Variants in NKPD1 observed in about 807,000 individuals in gnomAD.
NKPD1 encodes NTPase KAP family P-loop domain-containing protein 1.
Under a neutral mutation model 42.2 loss-of-function variants are expected in NKPD1, and 37 were observed. The observed-to-expected ratio is 0.88, with a 90% confidence interval of 0.67 to 1.15. The LOEUF (loss-of-function observed/expected upper bound fraction) is 1.15. Ranked by LOEUF, NKPD1 falls within the 50% of genes most tolerant of loss-of-function variation. NKPD1 has a pLI of 0.00. For missense variants in NKPD1, 1,113 were observed against 1,174.6 expected, an observed-to-expected ratio of 0.95 and a Z score of 0.77; for synonymous variants, 552 against 536.5, an observed-to-expected ratio of 1.03 and a Z score of -0.40.
Position 45,151,603 on chromosome 19 carries a change from A to G in NKPD1, c.*335T>C, listed in dbSNP as rs1211021818. The stretch of plus-strand genomic sequence containing the variant: ...ATGGTGCAGAGGAGTAAGTGGGCTT[A>G]GCAGGATGGGGCAGGCCCTGTGGCA... On this transcript the variant is annotated 3_prime_UTR_variant, in exon 5 of 5. Coordinates refer to ENST00000686631, the MANE Select transcript of NKPD1 (RefSeq NM_198478.4). The G allele has an allele frequency of 1.9e-5, 5 of 268,264 alleles. No individual in the cohort carries two copies. The highest frequency in any genetic ancestry group is 4.4e-5 in the African/African-American group (2 of 44,960). 16.6% of individuals were successfully genotyped at this position (268,264 alleles called of 1,614,324 possible). A position where few individuals can be genotyped will look rare whatever the true frequency, so the allele number is the denominator to read the frequency against.
chr19:45,152,391 GC>G lies in NKPD1; in HGVS notation c.2045del (p.Gly682AlafsTer23), dbSNP rs757202005. On this transcript the variant is annotated frameshift_variant, in exon 5 of 5. Transcript: ENST00000686631. LOFTEE classifies it low-confidence loss of function (END_TRUNC). ...AGAGGCGCGCGCGGCCCTCGGGCGC[GC>G]CCCCGGTCTGCTGCCGGTCCTCCAG... ...QCLEDRQQTG[G>X]APEGRARLWD... is the part of the protein sequence containing the mutation. 1.3e-6 allele frequency: 2 copies of G among 1,575,340 alleles called. No homozygotes were observed.
At position 45,160,165 on chromosome 19, in the gene NKPD1, T is replaced by A; in HGVS notation, c.-15A>T. 2 of 1,299,762 alleles carry A rather than the reference T, an allele frequency of 1.5e-6. No homozygotes were observed. Among genetic ancestry groups the A allele is most frequent in the Non-Finnish European group, 2.0e-6 (2 of 984,522 alleles). The allele number at this position is 1,299,762 out of a possible 1,614,324, so 80.5% of individuals were successfully genotyped here. A position where few individuals can be genotyped will look rare whatever the true frequency, so the allele number is the denominator to read the frequency against. ...TGTTTGTGCATGGCAGCCGGGCAGC[T>A]GGGTGCTGGGGGCCTGCTCCTGAGG... On this transcript the variant is annotated 5_prime_UTR_variant, in exon 2 of 5. Transcript: ENST00000686631.
chr19:45,152,788 T>C lies in NKPD1; in HGVS notation c.1649A>G (p.Asp550Gly). The C allele has an allele frequency of 6.2e-7, 1 of 1,600,740 alleles. No homozygotes were observed. Among genetic ancestry groups the C allele is most frequent in the Non-Finnish European group, 8.5e-7 (1 of 1,174,556 alleles). Residue 550 changes from aspartate (D) to glycine (G), a missense_variant, in exon 5 of 5, where the codon GAC (aspartate) becomes GGC (glycine). This residue lies in a region of NKPD1 where 867 missense variants were observed against 870.1 expected (regional missense o/e 1.00). Coordinates refer to ENST00000686631, the MANE Select transcript of NKPD1 (RefSeq NM_198478.4). ...GCGCGTCATCTCGCGGTACAACAGG[T>C]CGTCGCGGCTCTGCACCGCATCGTG... ...FLHDAVQSRD[D>G]LLYREMTRKP...
chr19:45,155,093 G>A (rs2122786330), intron 4 of NKPD1, among the ~76,000 whole-genome samples: 1 of 151,488 alleles, frequency 6.6e-6, no homozygotes, highest in South Asian at 2.1e-4. Context: ...GGAGGCTGAG[G>A]CGGATCACAT....
intron 2 of NKPD1, 129 bp from the exon 3 acceptor site, chr19:45,159,229 A>G: frequency 1.1e-6 from 1 of 910,270 alleles, no homozygotes; most frequent in Non-Finnish European, 1.4e-6. Context: ...GAAACCCCTC[A>G]AAAAGTAAGA....
chr19:45,154,088 G>A (rs1320646324), intron 4 of NKPD1, among the ~76,000 whole-genome samples: 2 of 152,180 alleles, frequency 1.3e-5, no homozygotes, highest in Admixed American at 6.5e-5. Context: ...GCCAGGGATG[G>A]GCAAGAGGCT....
upstream of NKPD1, among the ~76,000 whole-genome samples, chr19:45,161,304 G>C (rs530951692): frequency 1.8e-4 from 27 of 152,314 alleles, no homozygotes; most frequent in Non-Finnish European, 1.5e-5. Context: ...CACTCTCCGA[G>C]CCATGGCTTC....
Position 45,153,604 on chromosome 19 carries a change from A to G in NKPD1, c.833T>C (p.Phe278Ser). ...GTACTGCCAGGCGCTAAAGCGGATG[A>G]AAAGGAACTGCACGTTCCTGCGCCG... ...HLRRRNVQFL[F>S]IRFSAWQYAG... The change falls in exon 5 of 5, where the codon TTC becomes TCC. Residue 278 changes from phenylalanine to serine, a missense_variant. By Grantham distance (155) the Phe-to-Ser change is radical (BLOSUM62 -2). This residue lies in a region of NKPD1 where 867 missense variants were observed against 870.1 expected (regional missense o/e 1.00). Coordinates refer to ENST00000686631, the MANE Select transcript of NKPD1 (RefSeq NM_198478.4). 6.4e-7 allele frequency: 1 copy of G among 1,573,808 alleles called. No individual in the cohort carries two copies. Among genetic ancestry groups the G allele is most frequent in the South Asian group, 1.1e-5 (1 of 87,270 alleles).
At chr19:45,162,193 T>G (rs114813986), upstream of NKPD1, among the ~76,000 whole-genome samples, 1,586 of 152,062 alleles carry the variant, frequency 0.01, 26 homozygotes, top group African/African-American at 0.035. Context: ...GGGAGCACAG[T>G]GGCCAGGAGG....
chr19:45,156,595 C>T (rs2122790954), intron 3 of NKPD1, among the ~76,000 whole-genome samples: 1 of 152,340 alleles, frequency 6.6e-6, no homozygotes, highest in South Asian at 2.1e-4. Flanking sequence ...CTGGCCAGCG[C>T]CGGGCCCTTG....
rs1425038648 is a variant in NKPD1 at position 45,153,439 on chromosome 19, T to A, written c.998A>T (p.Glu333Val). ...GCACACGCGGCGCCGACAATGCCAC[T>A]CGCTCTGGCAGCAGTCCTGCCTGGT... is the stretch of plus-strand genomic sequence containing the variant. ...PATRQDCCQS[E>V]WHCRRRVCLG... is the part of the protein sequence containing the mutation. The change falls in exon 5 of 5, where the codon GAG becomes GTG. Residue 333 changes from glutamate (E) to valine (V), a missense_variant. Physicochemically the swap from Glu to Val is moderately radical, Grantham distance 121. Transcript: ENST00000686631. The A allele has an allele frequency of 6.5e-7, 1 of 1,548,234 alleles. No homozygotes were observed. Among genetic ancestry groups the A allele is most frequent in the South Asian group, 1.2e-5 (1 of 84,648 alleles).
chr19:45,155,673 CTGGGGCAGGCTGGCCACAGGGG>C, intron 4 of NKPD1, 90 bp downstream of exon 4: 1 of 1,094,394 alleles, frequency 9.1e-7, no homozygotes, highest in South Asian at 1.5e-5. Context: ...AGGGCCTGGG[CTGGGGCAGGCTGGCCACAGGGG>C]TGGGGGGATC....
intron 3 of NKPD1, among the ~76,000 whole-genome samples, chr19:45,157,548 A>T (rs1968926419): frequency 6.6e-6 from 1 of 151,906 alleles, no homozygotes; most frequent in East Asian, 1.9e-4. Flanking sequence ...TGTGGCTGGG[A>T]CCACAGGCGT....
chr19:45,152,310 C>T lies in NKPD1; in HGVS notation c.2127G>A (p.Gln709=), dbSNP rs767357193. 1 of 1,610,842 alleles carries T rather than the reference C, an allele frequency of 6.2e-7. No individual in the cohort carries two copies. Among genetic ancestry groups the T allele is most frequent in the Non-Finnish European group, 8.5e-7 (1 of 1,178,952 alleles). The change falls in exon 5 of 5, where the codon CAG becomes CAA. Residue 709 remains glutamine, a synonymous_variant. Coordinates refer to ENST00000686631, the MANE Select transcript of NKPD1 (RefSeq NM_198478.4). ...GGTCGCCGTCCAGGTCGAGCACGTT[C>T]TGCAACGCCTTGGTCATGGTGTGCA... ...RELHTMTKAL[Q]NVLDLDGDPE...
rs1156331730 is a variant in NKPD1, at chr19:45,152,828, T to C, written c.1609A>G (p.Lys537Glu). 1 of 1,596,520 alleles carries C rather than the reference T, an allele frequency of 6.3e-7. No homozygotes were observed. The highest frequency in any genetic ancestry group is 8.6e-7 in the Non-Finnish European group (1 of 1,169,106). ...ACCGCATCGTGCAGGAACTGCAGCTTGGTGCGGCGGCCCATAATGGGCACA... is the reference window on the plus strand; with the variant it reads ...ACCGCATCGTGCAGGAACTGCAGCTCGGTGCGGCGGCCCATAATGGGCACA... Reference protein sequence around the residue: ...FSVPIMGRRTKLQFLHDAVQS... With the variant: ...FSVPIMGRRTELQFLHDAVQS... The change falls in exon 5 of 5, where the codon AAG becomes GAG. Residue 537 changes from lysine to glutamate, a missense_variant. Physicochemically the swap from Lys to Glu is moderately conservative, Grantham distance 56. Transcript: ENST00000686631.
chr19:45,161,271 A>G (rs1969000356), upstream of NKPD1, among the ~76,000 whole-genome samples: 1 of 152,130 alleles, frequency 6.6e-6, no homozygotes, highest in South Asian at 2.1e-4. Flanking sequence ...TGGCCCAGGT[A>G]TGTGACCTTG....
Position 45,159,006 on chromosome 19 carries a change from G to T in NKPD1, c.186C>A (p.His62Gln), listed in dbSNP as rs1330190812. 7.7e-7 allele frequency: 1 copy of T among 1,301,652 alleles called. No homozygotes were observed. Among genetic ancestry groups the T allele is most frequent in the Admixed American group, 2.3e-5 (1 of 43,086 alleles). The allele number at this position is 1,301,652 out of a possible 1,614,324, so 80.6% of individuals were successfully genotyped here. A position where few individuals can be genotyped will look rare whatever the true frequency, so the allele number is the denominator to read the frequency against. ...AGCCACTGCCACCCACTTGGTGGCT[G>T]TGGTAGGCCAGCTGCCAGTGTGATT... is the stretch of plus-strand genomic sequence containing the variant. The part of the protein sequence containing the change: ...SPQSHWQLAY[H>Q]SHQVGGSGWR... The change falls in exon 3 of 5, where the codon CAC becomes CAA. Residue 62 changes from histidine (H) to glutamine (Q), a missense_variant. Around this residue, in one of 3 missense-constraint regions of NKPD1, gnomAD observed 204 missense variants for 227.8 expected, o/e 0.90. Coordinates refer to ENST00000686631, the MANE Select transcript of NKPD1 (RefSeq NM_198478.4).
intron 2 of NKPD1, among the ~76,000 whole-genome samples, chr19:45,159,497 G>T (rs1252627015): frequency 2.0e-5 from 3 of 152,146 alleles, no homozygotes; most frequent in Non-Finnish European, 2.9e-5. Flanking sequence ...CGGAGTGATG[G>T]GTGGTGGCGT....
chr19:45,152,369 G>GGC lies in NKPD1; in HGVS notation c.2066_2067dup (p.Leu690AlafsTer16). Reference sequence around the variant, plus strand: ...CTGTTGTCGCGGAAAACGTCCCAGAGGCGCGCGCGGCCCTCGGGCGCGCCC... The same window carrying GGC: ...CTGTTGTCGCGGAAAACGTCCCAGAGGCGCGCGCGCGGCCCTCGGGCGCGCCC... On this transcript the variant is annotated frameshift_variant, in exon 5 of 5. Transcript: ENST00000686631. LOFTEE classifies it low-confidence loss of function (END_TRUNC). 1.3e-6 allele frequency: 2 copies of GGC among 1,593,894 alleles called. No homozygotes were observed. The highest frequency in any genetic ancestry group is 1.7e-6 in the Non-Finnish European group (2 of 1,170,812).
Sources: gnomAD v4.1 joint callset for allele counts (sites outside exome capture counted in the v4.1 genomes callset) on GRCh38, gnomAD v4.1.1 for gene constraint, gnomAD v4.1.1 regional missense constraint, MANE v1.5 for transcripts, NCBI Gene and HGNC (gene_info 2026-07-23, HGNC 2026-07-21) for gene names.